The following SLC39A10 variants were observed in gnomAD, a reference collection of about 807,000 sequenced individuals.
SLC39A10 encodes zinc transporter ZIP10.
Under a neutral mutation model 65.1 loss-of-function variants are expected in SLC39A10, and 13 were observed. The ratio of observed to expected loss-of-function variants is 0.20; its 90% CI spans 0.13 to 0.32. The LOEUF is 0.32. SLC39A10 is among the 10% of genes least tolerant of loss of function. The pLI is 1.00. For missense variants in SLC39A10, 831 were observed against 1,018.4 expected (o/e 0.82, Z 2.50); for synonymous variants, 321 against 342.2 (o/e 0.94, Z 0.68).
intron 2 of SLC39A10, among the ~76,000 whole-genome samples, chr2:195,625,222 A>AAAGGAAG (rs1688443563): frequency 8.9e-6 from 1 of 112,184 alleles, no homozygotes; most frequent in African/African-American, 3.1e-5. Flanking sequence ...GTCTCAAAAA[A>AAAGGAAG]AAAGAAAGAA....
intron 2 of SLC39A10, among the ~76,000 whole-genome samples, chr2:195,614,704 T>C (rs1688170605): frequency 6.6e-6 from 1 of 152,214 alleles, no homozygotes; most frequent in African/African-American, 2.4e-5. Context: ...AAGCCTCAGT[T>C]ATCTTTTGAT....
At chr2:195,670,592 TG>T (rs1415346766) in intron 1 of SLC39A10, 10 of 152,198 alleles carry the variant, frequency 6.6e-5, no homozygotes, top group African/African-American at 2.4e-4. Flanking sequence ...GTTAGAAAAT[TG>T]ATTTTCTATT....
intron 2 of SLC39A10, among the ~76,000 whole-genome samples, chr2:195,620,342 A>G (rs980908101): frequency 6.6e-6 from 1 of 152,210 alleles, no homozygotes; most frequent in African/African-American, 2.4e-5. Context: ...GCCTGGAGAA[A>G]AGAAGAACCA....
chr2:195,695,907 GT>G (rs1690938328), intron 3 of SLC39A10, among the ~76,000 whole-genome samples: 2 of 152,060 alleles, frequency 1.3e-5, no homozygotes. Flanking sequence ...GAGTTTTATA[GT>G]TTTAGGTCAT....
chr2:195,717,372 C>CAA, intron 7 of SLC39A10: 2 of 154,884 alleles, frequency 1.3e-5, no homozygotes, highest in South Asian at 2.0e-4. Flanking sequence ...TTTGAAAAAG[C>CAA]AAAAAAAAAA....
At chr2:195,697,552 A>C (rs918346043) in intron 3 of SLC39A10, among the ~76,000 whole-genome samples, 1 of 152,120 alleles carries the variant, frequency 6.6e-6, no homozygotes, top group Non-Finnish European at 1.5e-5. Flanking sequence ...CCTAGTGCCC[A>C]TTAGTTATTT....
intron 1 of SLC39A10, chr2:195,670,618 AGTGT>A (rs1273340812): frequency 1.3e-5 from 2 of 151,990 alleles, no homozygotes; most frequent in Admixed American, 1.3e-4. Flanking sequence ...TATTTTTTAG[AGTGT>A]GTGTAAAACC....
intron 9 of SLC39A10, among the ~76,000 whole-genome samples, chr2:195,729,732 T>C (rs1189461699): frequency 6.6e-6 from 1 of 152,142 alleles, no homozygotes; most frequent in Non-Finnish European, 1.5e-5. Context: ...GGGACCTCTC[T>C]TAGTTCCAAC....
At chr2:195,734,784 C>A in intron 9 of SLC39A10, 99 bp from the exon 10 acceptor site, 1 of 1,147,756 alleles carries the variant, frequency 8.7e-7, no homozygotes, top group Non-Finnish European at 1.2e-6. Context: ...TCTGTAGTTA[C>A]ACTTCAGTCA....
intron 8 of SLC39A10, among the ~76,000 whole-genome samples, chr2:195,719,405 A>G (rs920059912): frequency 2.6e-5 from 4 of 152,226 alleles, no homozygotes; most frequent in Non-Finnish European, 5.9e-5. Flanking sequence ...AGCACCTGTT[A>G]TTGGACACAG....
upstream of SLC39A10, among the ~76,000 whole-genome samples, chr2:195,655,467 TAAA>T (rs1298254686): frequency 2.6e-5 from 4 of 152,232 alleles, no homozygotes; most frequent in Non-Finnish European, 4.4e-5. Context: ...ATGTGTTCAA[TAAA>T]ATAAGTATGA....
chr2:195,695,673 G>A (rs1054749865), intron 3 of SLC39A10, among the ~76,000 whole-genome samples: 2 of 152,206 alleles, frequency 1.3e-5, no homozygotes, highest in Non-Finnish European at 2.9e-5. Context: ...AAAAGTTCAG[G>A]ATGTGAGTCT....
rs1179112568 is a variant in SLC39A10 at position 195,718,203 on chromosome 2, A to G, written c.2066-49A>G. On this transcript the variant is annotated intron_variant, in intron 7 of 9. Transcript: ENST00000359634. ...GCATCTGTCATTAATGAAAATGTGA[A>G]GAGTTAAGATCAGCAAACCTCACTT... The G allele has an allele frequency of 6.9e-6, 10 of 1,442,842 alleles. No homozygotes were observed. In the African/African-American group the frequency reaches 1.3e-4, roughly 18 times the overall value. 89.4% of individuals were successfully genotyped at this position (1,442,842 alleles called of 1,614,324 possible). A position where few individuals can be genotyped will look rare whatever the true frequency, so the allele number is the denominator to read the frequency against.
rs536698886 is a variant in SLC39A10, at chr2:195,714,012, C to T, written c.1696+459C>T. 3.7e-4 allele frequency among the ~76,000 whole-genome samples: 56 copies of T among 152,096 alleles called. No homozygotes were observed. The South Asian group carries it at 0.01, about 28-fold the overall frequency. On this transcript the variant is annotated intron_variant, in intron 6 of 9. Transcript: ENST00000359634. ...CGCCATCTCGGCTTACTGCAAGCTC[C>T]GCCTCCCGGGTTCATGCCATTCTCC...
chr2:195,613,610 G>A (rs1441722855), intron 2 of SLC39A10, among the ~76,000 whole-genome samples: 1 of 152,122 alleles, frequency 6.6e-6, no homozygotes, highest in South Asian at 2.1e-4. Context: ...TACCTAATGT[G>A]TTTTAGTAGT....
chr2:195,671,885 G>T (rs1442427239), intron 1 of SLC39A10, among the ~76,000 whole-genome samples: 1 of 151,958 alleles, frequency 6.6e-6, no homozygotes, highest in Admixed American at 6.6e-5. Context: ...CTGTTGGCTG[G>T]AATATCAACT....
chr2:195,696,357 G>A (rs1690961868), intron 3 of SLC39A10, among the ~76,000 whole-genome samples: 1 of 149,610 alleles, frequency 6.7e-6, no homozygotes, highest in South Asian at 2.1e-4. Context: ...GATTTTAATA[G>A]GGATTGCATT....
At chr2:195,645,132 C>T (rs1688887989) in intron 2 of SLC39A10, among the ~76,000 whole-genome samples, 1 of 151,974 alleles carries the variant, frequency 6.6e-6, no homozygotes, top group Non-Finnish European at 1.5e-5. Flanking sequence ...TGGTCTCGAA[C>T]TTCCGACCTC....
At chr2:195,658,849 CA>C (rs1689269256) in intron 1 of SLC39A10, among the ~76,000 whole-genome samples, 1 of 152,140 alleles carries the variant, frequency 6.6e-6, no homozygotes, top group Non-Finnish European at 1.5e-5. Flanking sequence ...GAAAATAAAA[CA>C]ATGATGTGCT....
Sources: allele counts gnomAD v4.1 joint callset (sites outside exome capture counted in the v4.1 genomes callset), GRCh38; gene constraint gnomAD v4.1.1; transcripts MANE v1.5; gene names NCBI Gene and HGNC (gene_info 2026-07-23, HGNC 2026-07-21).